KLHL2: variants seen among roughly 807,000 people sequenced by gnomAD.
KLHL2 encodes kelch-like protein 2.
A neutral mutation model predicts 75.8 loss-of-function variants in KLHL2; 15 were observed. The observed-to-expected ratio is 0.20, with a 90% CI of 0.13 to 0.30. The LOEUF (loss-of-function observed/expected upper bound fraction) is 0.30, where lower values mean the gene tolerates loss of function less well. Ranked by LOEUF, KLHL2 falls within the 10% of genes least tolerant of loss-of-function variation. KLHL2 has a pLI of 1.00. For synonymous variants in KLHL2, 214 were observed against 251.9 expected (o/e 0.85, Z 1.42); for missense variants, 381 against 741.0 (o/e 0.51, Z 5.64).
rs535742140 is a variant in KLHL2 at position 165,319,724 on chromosome 4, C to T, written c.1753+1755C>T. On this transcript the variant is annotated intron_variant, in intron 14 of 14. Transcript: ENST00000226725. This position sits in a 1 kb window ranked among gnomAD's most constrained non-coding sequence, Gnocchi z 4.5. ...GCAACCTCCGCCTCCCAGATTCAAA[C>T]GATTCTCATGCCTCAGCTTCCTGAG... Among the ~76,000 whole-genome samples, 35 of 152,196 alleles carry T rather than the reference C, an allele frequency of 2.3e-4. No individual in the cohort carries two copies. In the South Asian group the frequency reaches 5.6e-3, roughly 24 times the overall value.
intron 5 of KLHL2, among the ~76,000 whole-genome samples, chr4:165,285,985 A>G (rs957653588): frequency 2.6e-5 from 4 of 152,186 alleles, no homozygotes; most frequent in Non-Finnish European, 5.9e-5. Flanking sequence ...GTATCAATTT[A>G]AAGGTTCTCA....
At chr4:165,255,075 ACT>A (rs1741058164) in intron 4 of KLHL2, among the ~76,000 whole-genome samples, 1 of 152,198 alleles carries the variant, frequency 6.6e-6, no homozygotes, top group Admixed American at 6.5e-5. Flanking sequence ...CATTTGAGCC[ACT>A]CTCAAATAAG....
intron 12 of KLHL2, 72 bp from the exon 13 acceptor site, chr4:165,313,954 T>C (rs1746408262): frequency 2.1e-6 from 3 of 1,454,034 alleles, no homozygotes; most frequent in Non-Finnish European, 2.8e-6. Flanking sequence ...TTACAAGTCA[T>C]TTAAATAAAC....
chr4:165,300,063 T>G lies in KLHL2; in HGVS notation c.921+407T>G, dbSNP rs559622073. On this transcript the variant is annotated intron_variant, in intron 8 of 14. Coordinates refer to ENST00000226725, the MANE Select transcript of KLHL2 (RefSeq NM_007246.4). ...CAGCACTTTGTGAGACTGAGGCCAG[T>G]GGATCACCTGAGGTCAGGAGTTTGA... 2.0e-5 allele frequency among the ~76,000 whole-genome samples: 3 copies of G among 152,188 alleles called. No individual in the cohort carries two copies. In the South Asian group the frequency reaches 6.2e-4, roughly 32 times the overall value.
At chr4:165,266,637 T>C (rs1397239174) in intron 5 of KLHL2, among the ~76,000 whole-genome samples, 3 of 152,124 alleles carry the variant, frequency 2.0e-5, no homozygotes, top group African/African-American at 4.8e-5. Context: ...TTTAGAGGTG[T>C]GGTGTTATTT....
chr4:165,316,570 T>G (rs931572266), intron 13 of KLHL2, among the ~76,000 whole-genome samples: 2 of 152,192 alleles, frequency 1.3e-5, no homozygotes, highest in African/African-American at 4.8e-5. Flanking sequence ...AGAAATTAAA[T>G]GTACTTTTAA....
At position 165,290,063 on chromosome 4, in the gene KLHL2, T is replaced by G. The variant is rs1002436209; in HGVS notation, c.545-4296T>G. 4.6e-5 allele frequency among the ~76,000 whole-genome samples: 7 copies of G among 152,320 alleles called. 1 individual carries two copies. Among genetic ancestry groups the G allele is most frequent in the Admixed American group, 1.3e-4 (2 of 15,302 alleles). The stretch of plus-strand genomic sequence containing the variant: ...TTTTCTGTTTGAATTTCCAAGTTGG[T>G]ATTCATAAATGTTTCTAAATTTATA... On this transcript the variant is annotated intron_variant, in intron 5 of 14. Transcript: ENST00000226725.
chr4:165,254,951 A>T (rs1353186060), intron 4 of KLHL2, among the ~76,000 whole-genome samples: 6 of 152,208 alleles, frequency 3.9e-5, no homozygotes, highest in Non-Finnish European at 5.9e-5. Context: ...CCAAGAAAAA[A>T]AGCGCTGAGT....
In KLHL2 at chr4:165,262,062, T is replaced by G. The variant is rs998652915; in HGVS notation, c.382-1135T>G. 2.0e-5 allele frequency among the ~76,000 whole-genome samples: 3 copies of G among 152,292 alleles called. No homozygotes were observed. In the East Asian group the frequency reaches 5.8e-4, roughly 29 times the overall value. ...GAAGTTTTTCTCCTTAATTTGACTT[T>G]CAAATATGGTCCTTTATATAACACT... On this transcript the variant is annotated intron_variant, in intron 4 of 14. Coordinates refer to ENST00000226725, the MANE Select transcript of KLHL2 (RefSeq NM_007246.4).
chr4:165,294,704 T>C (rs1482650718), intron 6 of KLHL2, among the ~76,000 whole-genome samples: 1 of 151,968 alleles, frequency 6.6e-6, no homozygotes, highest in Admixed American at 6.6e-5. Flanking sequence ...TTGTGGGAGG[T>C]TCCCTAAATT....
chr4:165,255,527 G>T (rs1741093112), intron 4 of KLHL2, among the ~76,000 whole-genome samples: 1 of 152,050 alleles, frequency 6.6e-6, no homozygotes, highest in Admixed American at 6.5e-5. Flanking sequence ...TCCTCTTTCT[G>T]GGATGTAGGG....
intron 1 of KLHL2, among the ~76,000 whole-genome samples, chr4:165,212,097 A>C (rs1435145823): frequency 6.6e-6 from 1 of 152,028 alleles, no homozygotes; most frequent in African/African-American, 2.4e-5. Flanking sequence ...AAATGCATTT[A>C]CTCTTTATGA....
chr4:165,297,503 G>T, intron 6 of KLHL2, 106 bp from the exon 7 acceptor site: 1 of 687,522 alleles, frequency 1.5e-6, no homozygotes, highest in South Asian at 1.7e-5. Flanking sequence ...AATTAAACTT[G>T]GATGTCTTAG....
At chr4:165,290,095 T>G (rs913950425) in intron 5 of KLHL2, among the ~76,000 whole-genome samples, 4 of 152,212 alleles carry the variant, frequency 2.6e-5, no homozygotes, top group Non-Finnish European at 5.9e-5. Flanking sequence ...TATATGCTGT[T>G]TGCCAGCTTT....
chr4:165,266,833 G>A (rs978353907), intron 5 of KLHL2, among the ~76,000 whole-genome samples: 5 of 152,008 alleles, frequency 3.3e-5, no homozygotes, highest in Non-Finnish European at 5.9e-5. Context: ...GAAATTTAAA[G>A]TAGTTTTTTC....
At chr4:165,279,395 T>G (rs750702004) in intron 5 of KLHL2, 1 of 1,589,082 alleles carries the variant, frequency 6.3e-7, no homozygotes, top group East Asian at 2.2e-5. Flanking sequence ...AGCTTTTATG[T>G]TGGAAATACC....
At chr4:165,292,918 T>C (rs916406639) in intron 5 of KLHL2, among the ~76,000 whole-genome samples, 2 of 152,206 alleles carry the variant, frequency 1.3e-5, no homozygotes, top group Non-Finnish European at 2.9e-5. Context: ...GCTAAGTTAT[T>C]GAATCCTTAC....
At chr4:165,256,376 G>A (rs1433110324) in intron 4 of KLHL2, among the ~76,000 whole-genome samples, 1 of 152,104 alleles carries the variant, frequency 6.6e-6, no homozygotes, top group Non-Finnish European at 1.5e-5. Flanking sequence ...ATTTAATCAG[G>A]TGCTATGTCC....
At chr4:165,253,221 G>C (rs1254286592) in intron 4 of KLHL2, among the ~76,000 whole-genome samples, 1 of 152,030 alleles carries the variant, frequency 6.6e-6, no homozygotes, top group Non-Finnish European at 1.5e-5. Context: ...TTTTAGTAGA[G>C]ACAGGTTTCA....
Sources: gnomAD v4.1 joint callset for allele counts (sites outside exome capture counted in the v4.1 genomes callset) on GRCh38, gnomAD v4.1.1 for gene constraint, Gnocchi (gnomAD v3.1) non-coding constraint, MANE v1.5 for transcripts, NCBI Gene and HGNC (gene_info 2026-07-23, HGNC 2026-07-21) for gene names.